The following NREP variants were observed in gnomAD, a reference collection of about 807,000 sequenced individuals.
The protein encoded by NREP is neuronal regeneration related protein.
A neutral mutation model predicts 8.6 loss-of-function variants in NREP; 5 were observed. The ratio of observed to expected loss-of-function variants is 0.58; its 90% CI spans 0.30 to 1.22. NREP has a LOEUF of 1.22. NREP is among the 50% of genes most tolerant of loss of function. The probability of loss-of-function intolerance (pLI) is 0.07; values close to 1 mark genes in which losing one functional copy is unlikely to be tolerated. For missense variants in NREP, 86 were observed against 82.5 expected (o/e 1.04, Z -0.17); for synonymous variants, 27 against 28.0 (o/e 0.96, Z 0.11).
intron 2 of NREP, among the ~76,000 whole-genome samples, chr5:111,830,921 A>C (rs1752751880): frequency 6.6e-6 from 1 of 152,188 alleles, no homozygotes; most frequent in Non-Finnish European, 1.5e-5. Context: ...TCTAAACTTG[A>C]AACTACAGCA....
At chr5:111,790,044 A>C (rs10463619) in intron 2 of NREP, among the ~76,000 whole-genome samples, 4 of 152,086 alleles carry the variant, frequency 2.6e-5, no homozygotes, top group Non-Finnish European at 4.4e-5. Context: ...TTTTCTTTAT[A>C]TAGAAAGAAC....
chr5:111,911,380 C>T (rs1162069878), intron 2 of NREP, among the ~76,000 whole-genome samples: 1 of 152,026 alleles, frequency 6.6e-6, no homozygotes, highest in Non-Finnish European at 1.5e-5. Context: ...AGAAGCATTA[C>T]CTATTTGTTA....
chr5:111,785,073 A>G (rs896627270), intron 2 of NREP, among the ~76,000 whole-genome samples: 8 of 152,146 alleles, frequency 5.3e-5, no homozygotes, highest in African/African-American at 1.9e-4. Flanking sequence ...ACTGCAGCCC[A>G]GAATCTATAT....
chr5:111,799,227 C>T (rs1751944901), intron 2 of NREP, among the ~76,000 whole-genome samples: 2 of 152,144 alleles, frequency 1.3e-5, no homozygotes, highest in Non-Finnish European at 2.9e-5. Context: ...GTTCTCTTTG[C>T]TTTGTCTTGC....
At chr5:111,964,718 T>C (rs1756583420) in intron 2 of NREP, among the ~76,000 whole-genome samples, 1 of 151,786 alleles carries the variant, frequency 6.6e-6, no homozygotes, top group Non-Finnish European at 1.5e-5. Flanking sequence ...GGCTCTATTA[T>C]AAAAAATATT....
intron 2 of NREP, among the ~76,000 whole-genome samples, chr5:111,889,653 C>T (rs552944831): frequency 2.0e-5 from 3 of 152,270 alleles, no homozygotes; most frequent in African/African-American, 2.4e-5. Context: ...GAAGTCAAAA[C>T]AAGTTATTTG....
At chr5:111,962,744 C>T (rs973654765) in intron 2 of NREP, among the ~76,000 whole-genome samples, 1 of 152,110 alleles carries the variant, frequency 6.6e-6, no homozygotes, top group Non-Finnish European at 1.5e-5. Flanking sequence ...AAGACTCAGT[C>T]GGTAGAGAGA....
intron 2 of NREP, among the ~76,000 whole-genome samples, chr5:111,742,876 A>G (rs905871756): frequency 1.3e-5 from 2 of 152,168 alleles, no homozygotes; most frequent in African/African-American, 2.4e-5. Flanking sequence ...AAAGGGAGTC[A>G]CTGATCGAGG....
intron 2 of NREP, chr5:111,845,987 A>G (rs953111280): frequency 6.5e-5 from 10 of 153,368 alleles, no homozygotes; most frequent in African/African-American, 2.2e-4. Context: ...GATAAAAAGT[A>G]CCACCAGCTA....
At chr5:111,935,361 G>C (rs918480533) in intron 2 of NREP, among the ~76,000 whole-genome samples, 2 of 152,066 alleles carry the variant, frequency 1.3e-5, no homozygotes, top group Middle Eastern at 3.2e-3. Flanking sequence ...CAATGGACCT[G>C]AAGGGCCAGG....
chr5:111,841,383 C>A (rs1351667045), intron 2 of NREP, among the ~76,000 whole-genome samples: 1 of 152,128 alleles, frequency 6.6e-6, no homozygotes, highest in East Asian at 1.9e-4. Flanking sequence ...TCAGGAATGT[C>A]CCCGGACAGA....
intron 2 of NREP, among the ~76,000 whole-genome samples, chr5:111,971,966 T>C (rs929688447): frequency 6.6e-6 from 1 of 151,904 alleles, no homozygotes; most frequent in South Asian, 2.1e-4. Context: ...GCCTATGGAA[T>C]GGGAGAAAAC....
intron 2 of NREP, among the ~76,000 whole-genome samples, chr5:111,883,874 A>G (rs1318825601): frequency 6.6e-6 from 1 of 152,232 alleles, no homozygotes; most frequent in Non-Finnish European, 1.5e-5. Context: ...GAAAGCAGGA[A>G]AGATCTAAAA....
At position 111,730,839 on chromosome 5, in the gene NREP, A is replaced by G. The variant is rs1748479937; in HGVS notation, c.*82T>C. On this transcript the variant is annotated 3_prime_UTR_variant, in exon 4 of 4. Coordinates refer to ENST00000257435, the MANE Select transcript of NREP (RefSeq NM_004772.4). ...AGTTTCTTCTTATACTTGATGATTT[A>G]CACAGAAAAAAATCCCATATATGAT... The G allele has an allele frequency of 2.0e-6, 3 of 1,480,464 alleles. No homozygotes were observed. Among genetic ancestry groups the G allele is most frequent in the South Asian group, 2.5e-5 (2 of 79,554 alleles). The allele number at this position is 1,480,464 out of a possible 1,614,324, so 91.7% of individuals were successfully genotyped here. A position where few individuals can be genotyped will look rare whatever the true frequency, so the allele number is the denominator to read the frequency against.
intron 2 of NREP, among the ~76,000 whole-genome samples, chr5:111,925,769 T>C (rs944270527): frequency 2.0e-5 from 3 of 152,192 alleles, no homozygotes; most frequent in African/African-American, 7.2e-5. Flanking sequence ...CAGTTTTTCA[T>C]AGGCCCTCCA....
chr5:111,948,742 T>C (rs1423215391), intron 2 of NREP: 1 of 152,064 alleles, frequency 6.6e-6, no homozygotes, highest in East Asian at 1.9e-4. Flanking sequence ...GTAGATGAAA[T>C]GTTCCCAGCT....
chr5:111,769,985 G>A (rs142044413), intron 2 of NREP, among the ~76,000 whole-genome samples: 38 of 152,264 alleles, frequency 2.5e-4, no homozygotes, highest in Non-Finnish European at 4.6e-4. Flanking sequence ...AGGTACTCAC[G>A]CATGAATCCC....
chr5:111,970,801 G>C (rs1316534566), intron 2 of NREP, among the ~76,000 whole-genome samples: 1 of 127,938 alleles, frequency 7.8e-6, no homozygotes, highest in Non-Finnish European at 1.6e-5. Flanking sequence ...ACTCCAGCCT[G>C]GTTGACAAAG....
At chr5:111,829,407 T>C (rs1480810053) in intron 2 of NREP, among the ~76,000 whole-genome samples, 1 of 152,214 alleles carries the variant, frequency 6.6e-6, no homozygotes, top group African/African-American at 2.4e-5. Flanking sequence ...AAATGAGAGA[T>C]GATTATCATA....
Sources: gnomAD v4.1 joint callset for allele counts (sites outside exome capture counted in the v4.1 genomes callset) on GRCh38, gnomAD v4.1.1 for gene constraint, MANE v1.5 for transcripts, NCBI Gene and HGNC (gene_info 2026-07-23, HGNC 2026-07-21) for gene names.